Variants in ECE1 observed in about 807,000 individuals in gnomAD.
ECE1 encodes endothelin converting enzyme 1, also known as endothelin-converting enzyme 1.
Under a neutral mutation model 98.6 loss-of-function variants are expected in ECE1, and 35 were observed. The observed-to-expected ratio is 0.35, with a 90% CI of 0.27 to 0.47. The LOEUF is 0.47. ECE1 is among the 20% of genes least tolerant of loss of function. The probability of loss-of-function intolerance (pLI) is 1.00; values close to 1 mark genes in which losing one functional copy is unlikely to be tolerated. For synonymous variants in ECE1, 394 were observed against 407.1 expected (o/e 0.97, Z 0.39); for missense variants, 814 against 1,025.3 (o/e 0.79, Z 2.81).
intron 14 of ECE1, among the ~76,000 whole-genome samples, chr1:21,232,233 C>A (rs187154934): frequency 2.1e-4 from 32 of 152,208 alleles, no homozygotes; most frequent in African/African-American, 6.7e-4. Context: ...AATGGAAGGA[C>A]CTTGGACTGA....
At chr1:21,342,398 G>A (rs1333417741) in intron 1 of ECE1, among the ~76,000 whole-genome samples, 1 of 152,116 alleles carries the variant, frequency 6.6e-6, no homozygotes, top group Non-Finnish European at 1.5e-5. Flanking sequence ...TACAACCGGA[G>A]GCAGGAGACA....
intron 17 of ECE1, among the ~76,000 whole-genome samples, chr1:21,224,104 C>T (rs2098170812): frequency 1.3e-5 from 2 of 152,096 alleles, no homozygotes; most frequent in South Asian, 2.1e-4. Flanking sequence ...GTGTCTAGTT[C>T]GTGGCCTCTG....
chr1:21,340,654 C>T lies in ECE1; in HGVS notation c.3+4722G>A, dbSNP rs139187895. Among the ~76,000 whole-genome samples, 6 of 152,206 alleles carry T rather than the reference C, an allele frequency of 3.9e-5. No homozygotes were observed. In the East Asian group the frequency reaches 1.2e-3, roughly 29 times the overall value. ...AGCAGTCCAAGACCAGCCTGGGCAACATGGCGAAACCCGGTGTCTACTAAA... is the reference window on the plus strand; with the variant it reads ...AGCAGTCCAAGACCAGCCTGGGCAATATGGCGAAACCCGGTGTCTACTAAA... On this transcript the variant is annotated intron_variant, in intron 1 of 18. Coordinates refer to the ECE1 transcript ENST00000415912. The surrounding 1 kb of genome is among the most constrained non-coding windows in gnomAD (Gnocchi z 4.6).
intron 11 of ECE1, 36 bp from the exon 12 acceptor site, chr1:21,236,880 C>T (rs2103240281): frequency 6.3e-7 from 1 of 1,578,274 alleles, no homozygotes; most frequent in South Asian, 1.1e-5. Context: ...AAGGTCTGCG[C>T]ACTGGTCTCA....
intron 3 of ECE1, among the ~76,000 whole-genome samples, chr1:21,275,204 G>C (rs930411955): frequency 6.6e-6 from 1 of 152,204 alleles, no homozygotes; most frequent in Admixed American, 6.5e-5. Flanking sequence ...GTCTGTGTGT[G>C]AGAGAGAGAC....
chr1:21,330,253 T>TTTTTTTG (rs1639172500), intron 1 of ECE1, among the ~76,000 whole-genome samples: 1 of 129,922 alleles, frequency 7.7e-6, no homozygotes, highest in Non-Finnish European at 1.7e-5. Context: ...TTTTTTTTTT[T>TTTTTTTG]GAGACAGAGT....
chr1:21,254,614 T>C (rs1242672217), intron 8 of ECE1, among the ~76,000 whole-genome samples: 1 of 152,132 alleles, frequency 6.6e-6, no homozygotes, highest in East Asian at 1.9e-4. Flanking sequence ...ATGGCCACGG[T>C]AGGGGGCTGA....
rs1206129062 is a variant in ECE1 at position 21,307,319 on chromosome 1, A to G, written c.4-17163T>C. Among the ~76,000 whole-genome samples, 2 of 152,208 alleles carry G rather than the reference A, an allele frequency of 1.3e-5. No individual in the cohort carries two copies. Among genetic ancestry groups the G allele is most frequent in the Admixed American group, 6.5e-5 (1 of 15,290 alleles). On this transcript the variant is annotated intron_variant, in intron 1 of 18. Coordinates refer to the ECE1 transcript ENST00000415912. This position sits in a 1 kb window ranked among gnomAD's most constrained non-coding sequence, Gnocchi z 4.2. ...TGGGTGGAAGATAGATCTCAAGGTC[A>G]GACACATTTGGCTGCTTAGCAGCTG...
At chr1:21,287,072 T>C (rs2098261356) in intron 2 of ECE1, among the ~76,000 whole-genome samples, 1 of 152,252 alleles carries the variant, frequency 6.6e-6, no homozygotes, top group African/African-American at 2.4e-5. Context: ...CAAGTTTGGC[T>C]GAAAAATGGA....
intron 1 of ECE1, among the ~76,000 whole-genome samples, chr1:21,324,224 C>T (rs1009753406): frequency 1.3e-5 from 2 of 152,138 alleles, no homozygotes; most frequent in African/African-American, 4.8e-5. Flanking sequence ...GCAGCCTTGA[C>T]CTCCTGGGCT....
At chr1:21,253,210 C>T (rs2098215013) in intron 8 of ECE1, among the ~76,000 whole-genome samples, 1 of 151,920 alleles carries the variant, frequency 6.6e-6, no homozygotes, top group African/African-American at 2.4e-5. Context: ...GCGCACACCA[C>T]CACACCCGGC....
At position 21,258,080 on chromosome 1, in the gene ECE1, G is replaced by GCTA. The variant is rs1301718848; in HGVS notation, c.763-493_763-491dup. 6.6e-6 allele frequency among the ~76,000 whole-genome samples: 1 copy of GCTA among 152,218 alleles called. No individual in the cohort carries two copies. The highest frequency in any genetic ancestry group is 1.5e-5 in the Non-Finnish European group (1 of 68,044). ...AGGAGGGGAGGGTCAAATTCTGCTTGCTACTATTGGCACCCATGGCCACAT... is the reference window on the plus strand; with the variant it reads ...AGGAGGGGAGGGTCAAATTCTGCTTGCTACTACTATTGGCACCCATGGCCACAT... On this transcript the variant is annotated intron_variant, in intron 6 of 18. Transcript: ENST00000374893. The surrounding 1 kb of genome is among the most constrained non-coding windows in gnomAD (Gnocchi z 4.2).
intron 16 of ECE1, among the ~76,000 whole-genome samples, chr1:21,226,622 T>G (rs955121713): frequency 1.3e-5 from 2 of 152,194 alleles, no homozygotes; most frequent in African/African-American, 4.8e-5. Context: ...CTCAAACTCA[T>G]GGGCTCAAGT....
chr1:21,269,750 G>A (rs2098238027), intron 4 of ECE1, among the ~76,000 whole-genome samples: 1 of 152,224 alleles, frequency 6.6e-6, no homozygotes, highest in African/African-American at 2.4e-5. Flanking sequence ...TATCCCTACT[G>A]TACAGATAAT....
Position 21,345,307 on chromosome 1 carries a change from C to T in ECE1, c.3+69G>A, listed in dbSNP as rs1639477370. ...AGCCAGGGCGGCCCCGGGTGCCACC[C>T]GCGGCACCGCTGCCCGCGACCGTCG... is the stretch of plus-strand genomic sequence containing the variant. On this transcript the variant is annotated intron_variant, in intron 1 of 18. Transcript: ENST00000415912. This position sits in a 1 kb window ranked among gnomAD's most constrained non-coding sequence, Gnocchi z 5.1. 10 of 1,329,382 alleles carry T rather than the reference C, an allele frequency of 7.5e-6. No homozygotes were observed. In the African/African-American group the frequency reaches 1.5e-4, roughly 20 times the overall value. 82.3% of individuals were successfully genotyped at this position (1,329,382 alleles called of 1,614,324 possible).
chr1:21,304,160 C>CA (rs1342491649), intron 1 of ECE1, among the ~76,000 whole-genome samples: 1 of 150,256 alleles, frequency 6.7e-6, no homozygotes, highest in Admixed American at 6.6e-5. Context: ...CTAAAAAATA[C>CA]AAAAAATTAG....
At chr1:21,232,564 G>T (rs2098183153) in intron 14 of ECE1, among the ~76,000 whole-genome samples, 2 of 152,086 alleles carry the variant, frequency 1.3e-5, no homozygotes. Context: ...CCTGCAAAGT[G>T]CTGGGATTGC....
Position 21,260,241 on chromosome 1 carries a change from G to A in ECE1, c.615+30C>T. On this transcript the variant is annotated intron_variant, in intron 5 of 18. Coordinates refer to ENST00000374893, the MANE Select transcript of ECE1 (RefSeq NM_001397.3). The surrounding 1 kb of genome is among the most constrained non-coding windows in gnomAD (Gnocchi z 4.3). ...GGGCGGGCAGGTGGCATGGGCCGGG[G>A]CTTGGGGAGGGAGAGCCCGAGGCAC... The A allele has an allele frequency of 6.2e-7, 1 of 1,614,184 alleles. No individual in the cohort carries two copies.
chr1:21,241,830 G>A (rs966329556), intron 10 of ECE1, among the ~76,000 whole-genome samples: 1 of 152,222 alleles, frequency 6.6e-6, no homozygotes, highest in African/African-American at 2.4e-5. Context: ...ACAGGATGGT[G>A]AGAAAATCTC....
Sources: allele counts gnomAD v4.1 joint callset (sites outside exome capture counted in the v4.1 genomes callset), GRCh38; gene constraint gnomAD v4.1.1; non-coding constraint Gnocchi (gnomAD v3.1); transcripts MANE v1.5; gene names NCBI Gene and HGNC (gene_info 2026-07-23, HGNC 2026-07-21).